DCDC2: variants seen among roughly 807,000 people sequenced by gnomAD.
DCDC2 encodes the protein doublecortin domain containing 2, also known as doublecortin domain-containing protein 2.
A neutral mutation model predicts 50.2 loss-of-function variants in DCDC2; 40 were observed. The observed-to-expected ratio is 0.80, with a 90% CI of 0.62 to 1.04. The LOEUF (loss-of-function observed/expected upper bound fraction) is 1.04, where lower values mean the gene tolerates loss of function less well. Among genes scored for constraint, DCDC2 ranks in the 50% least tolerant of loss-of-function variants. The pLI, the probability that DCDC2 is intolerant of heterozygous loss-of-function variation, is 0.00. For missense variants in DCDC2, 570 were observed against 581.9 expected, an observed-to-expected ratio of 0.98 and a Z score of 0.21; for synonymous variants, 234 against 210.6, an observed-to-expected ratio of 1.11 and a Z score of -0.96.
intron 5 of DCDC2, among the ~76,000 whole-genome samples, chr6:24,289,985 T>C (rs1330611244): frequency 3.4e-5 from 2 of 59,558 alleles, no homozygotes; most frequent in African/African-American, 2.6e-4. Context: ...TTTTTTTTTT[T>C]TTTTTTTTTT....
intron 7 of DCDC2, among the ~76,000 whole-genome samples, chr6:24,235,731 G>A (rs1325638919): frequency 6.6e-6 from 1 of 152,100 alleles, no homozygotes; most frequent in Non-Finnish European, 1.5e-5. Context: ...TTCCCCTTGA[G>A]AAATGGAACA....
upstream of DCDC2, among the ~76,000 whole-genome samples, chr6:24,359,542 A>T (rs1247877632): frequency 9.2e-6 from 1 of 108,740 alleles, no homozygotes; most frequent in Non-Finnish European, 1.7e-5. Context: ...TTTTTTATAT[A>T]TTTTATATAT....
intron 2 of DCDC2, among the ~76,000 whole-genome samples, chr6:24,332,014 GGA>G (rs1759973699): frequency 6.6e-6 from 1 of 152,158 alleles, no homozygotes; most frequent in South Asian, 2.1e-4. Flanking sequence ...GATTTGGAAA[GGA>G]AGAGACCCTG....
Position 24,288,876 on chromosome 6 carries a change from T to C in DCDC2, c.735A>G (p.Val245=). Residue 245 remains valine, a synonymous_variant, in exon 6 of 10, where the codon GTA becomes GTG. Coordinates refer to ENST00000378454, the MANE Select transcript of DCDC2 (RefSeq NM_016356.5). ...CACTCCCTTTAGACTTTCTGGATCC[T>C]ACAATAGGAGGTAGTGAAGAAGCTT... The part of the protein sequence containing the change: ...GQKASSLPPI[V]GSRKSKGSGN... The C allele has an allele frequency of 6.2e-7, 1 of 1,604,916 alleles. No individual in the cohort carries two copies.
intron 7 of DCDC2, among the ~76,000 whole-genome samples, chr6:24,212,046 C>A (rs530846498): frequency 3.0e-4 from 45 of 152,208 alleles, no homozygotes; most frequent in African/African-American, 1.0e-3. Context: ...CTGAGCTCCA[C>A]CCTCCCATCA....
At chr6:24,183,358 CAA>C (rs1221727086) in intron 8 of DCDC2, among the ~76,000 whole-genome samples, 1 of 152,104 alleles carries the variant, frequency 6.6e-6, no homozygotes, top group African/African-American at 2.4e-5. Context: ...TGTACTGAGC[CAA>C]AGATTACATT....
chr6:24,304,408 G>T (rs975662014), intron 2 of DCDC2, among the ~76,000 whole-genome samples: 2 of 152,152 alleles, frequency 1.3e-5, no homozygotes, highest in African/African-American at 4.8e-5. Flanking sequence ...GCTTGAAACC[G>T]GGAGGCAGAG....
At chr6:24,244,939 A>C (rs1188375990) in intron 7 of DCDC2, among the ~76,000 whole-genome samples, 2 of 152,202 alleles carry the variant, frequency 1.3e-5, no homozygotes, top group African/African-American at 4.8e-5. Context: ...TCACATCTGT[A>C]ATCCCAGCAC....
intron 7 of DCDC2, among the ~76,000 whole-genome samples, chr6:24,258,787 G>C (rs1278411857): frequency 2.0e-5 from 3 of 152,104 alleles, no homozygotes; most frequent in Non-Finnish European, 4.4e-5. Context: ...AGAGTCACTT[G>C]AACCAACCAA....
upstream of DCDC2, among the ~76,000 whole-genome samples, chr6:24,358,711 A>C (rs1760532438): frequency 1.2e-5 from 1 of 83,628 alleles, no homozygotes; most frequent in Non-Finnish European, 2.1e-5. Flanking sequence ...TTTTTTATAT[A>C]TATATTTTAT....
At chr6:24,218,670 G>A (rs144887072) in intron 7 of DCDC2, among the ~76,000 whole-genome samples, 2,317 of 152,180 alleles carry the variant, frequency 0.015, 45 homozygotes, top group Middle Eastern at 0.027. Context: ...TTTGCTTTTT[G>A]TAGAGATGAG....
At chr6:24,379,852 A>G in the DCDC2 span, among the ~76,000 whole-genome samples, 1 of 152,208 alleles carries the variant, frequency 6.6e-6, no homozygotes, top group Non-Finnish European at 1.5e-5. Flanking sequence ...ATGGAATACT[A>G]TGCAGCCATA....
chr6:24,364,144 T>C, the DCDC2 span, among the ~76,000 whole-genome samples: 61 of 152,250 alleles, frequency 4.0e-4, no homozygotes, highest in African/African-American at 1.4e-3. Context: ...AAGTTCCAAC[T>C]TAAATGTCAG....
intron 7 of DCDC2, among the ~76,000 whole-genome samples, chr6:24,274,318 G>A (rs2113816217): frequency 6.6e-6 from 1 of 152,156 alleles, no homozygotes; most frequent in South Asian, 2.1e-4. Flanking sequence ...AACAATCATC[G>A]TTACTGTTTT....
intron 8 of DCDC2, among the ~76,000 whole-genome samples, chr6:24,196,725 C>T (rs1761452738): frequency 6.6e-6 from 1 of 152,230 alleles, no homozygotes; most frequent in South Asian, 2.1e-4. Context: ...ACACCCAGCT[C>T]CAATAAGACC....
intron 7 of DCDC2, among the ~76,000 whole-genome samples, chr6:24,220,875 AGC>A: frequency 2.3e-5 from 1 of 43,588 alleles, no homozygotes; most frequent in East Asian, 1.1e-3. Context: ...AGAGCAAGAG[AGC>A]GAGAGCGAGA....
chr6:24,183,922 A>T (rs140888170), intron 8 of DCDC2, among the ~76,000 whole-genome samples: 127 of 152,326 alleles, frequency 8.3e-4, no homozygotes, highest in Non-Finnish European at 4.0e-4. Context: ...CAGTGTTTGC[A>T]GGTAGTGACA....
At chr6:24,254,485 G>C (rs1254672733) in intron 7 of DCDC2, among the ~76,000 whole-genome samples, 1 of 151,998 alleles carries the variant, frequency 6.6e-6, no homozygotes, top group Non-Finnish European at 1.5e-5. Context: ...AACATCACTA[G>C]GCCATAGAAA....
chr6:24,329,282 T>A (rs1230023959), intron 2 of DCDC2, among the ~76,000 whole-genome samples: 1 of 152,176 alleles, frequency 6.6e-6, no homozygotes, highest in Non-Finnish European at 1.5e-5. Flanking sequence ...ATATTAACCC[T>A]CATTCCCTTT....
Sources: gnomAD v4.1 joint callset for allele counts (sites outside exome capture counted in the v4.1 genomes callset) on GRCh38, gnomAD v4.1.1 for gene constraint, MANE v1.5 for transcripts, NCBI Gene and HGNC (gene_info 2026-07-23, HGNC 2026-07-21) for gene names.